The following NDE1 variants were observed in gnomAD, a reference collection of about 807,000 sequenced individuals.
NDE1 encodes nuclear distribution protein nudE homolog 1.
In NDE1, 28 loss-of-function variants were observed where a neutral mutation model predicts 43.4. The observed-to-expected ratio is 0.65, with a 90% CI of 0.48 to 0.89. The LOEUF (loss-of-function observed/expected upper bound fraction) is 0.89, where lower values mean the gene tolerates loss of function less well. Ranked by LOEUF, NDE1 falls within the 40% of genes least tolerant of loss-of-function variation. The pLI is 0.00. For synonymous variants in NDE1, 184 were observed against 172.0 expected, an observed-to-expected ratio of 1.07 and a Z score of -0.55; for missense variants, 441 against 434.1, an observed-to-expected ratio of 1.02 and a Z score of -0.14.
rs771545096 is a variant in NDE1, at chr16:15,691,191, A to G, written c.571A>G (p.Thr191Ala). ...GCAGCAGAAGCAGGAGAAACCCAGG[A>G]CCCCCATGCCCAGCTCAGTGGAAGC... ...AVQQKQEKPR[T>A]PMPSSVEAER... Residue 191 changes from threonine (T) to alanine (A), a missense_variant, in exon 6 of 9, where the codon ACC becomes GCC. Physicochemically the swap from Thr to Ala is moderately conservative, Grantham distance 58 (BLOSUM62 0). Coordinates refer to ENST00000396354, the MANE Select transcript of NDE1 (RefSeq NM_017668.3). 6.2e-7 allele frequency: 1 copy of G among 1,613,880 alleles called. No homozygotes were observed. Among genetic ancestry groups the G allele is most frequent in the Non-Finnish European group, 8.5e-7 (1 of 1,179,994 alleles).
At chr16:15,658,029 T>G (rs1235804409) in intron 1 of NDE1, among the ~76,000 whole-genome samples, 1 of 152,208 alleles carries the variant, frequency 6.6e-6, no homozygotes, top group Non-Finnish European at 1.5e-5. Flanking sequence ...CTCATAACCT[T>G]AAATCAGGTG....
chr16:15,699,474 G>C (rs2039150864), intron 8 of NDE1: 2 of 1,034,912 alleles, frequency 1.9e-6, no homozygotes, highest in Non-Finnish European at 2.4e-6. Flanking sequence ...ATGTTGCGTA[G>C]GCTGTAAAAC....
At chr16:15,649,620 A>T (rs970033425), upstream of NDE1, among the ~76,000 whole-genome samples, 2 of 152,162 alleles carry the variant, frequency 1.3e-5, no homozygotes, top group Non-Finnish European at 2.9e-5. Flanking sequence ...ACCGCGCCAG[A>T]CCCATAATGG....
chr16:15,658,691 C>G lies in NDE1; in HGVS notation c.-43-6045C>G, dbSNP rs191044686. Among the ~76,000 whole-genome samples, 16 of 152,292 alleles carry G rather than the reference C, an allele frequency of 1.1e-4. No homozygotes were observed. In the South Asian group the frequency reaches 1.2e-3, roughly 12 times the overall value. ...TATGTTTTTGAAATGGAGTCTTGCT[C>G]TGTTGCCCAGGCTGGAGTGCAGTGG... On this transcript the variant is annotated intron_variant, in intron 1 of 8. Coordinates refer to ENST00000396354, the MANE Select transcript of NDE1 (RefSeq NM_017668.3).
intron 3 of NDE1, among the ~76,000 whole-genome samples, chr16:15,673,149 C>T (rs575631939): frequency 4.6e-5 from 7 of 151,974 alleles, no homozygotes; most frequent in Non-Finnish European, 7.4e-5. Flanking sequence ...TTAGACCTTG[C>T]GCCTTTCTTG....
At chr16:15,706,239 C>T (rs933481367) in intron 8 of NDE1, among the ~76,000 whole-genome samples, 4 of 152,186 alleles carry the variant, frequency 2.6e-5, no homozygotes. Context: ...AGAGAACTCT[C>T]CATCCTTCTC....
chr16:15,716,057 C>T (rs2040114063), intron 8 of NDE1, among the ~76,000 whole-genome samples: 1 of 151,974 alleles, frequency 6.6e-6, no homozygotes, highest in African/African-American at 2.4e-5. Context: ...GCTGAGATCG[C>T]ACCACTGCAC....
intron 8 of NDE1, chr16:15,699,704 T>G: frequency 1.5e-6 from 2 of 1,345,472 alleles, no homozygotes; most frequent in Non-Finnish European, 2.0e-6. Flanking sequence ...TTATGTCAGC[T>G]TAATTTGGTT....
chr16:15,672,459 C>T (rs904779817), intron 3 of NDE1, among the ~76,000 whole-genome samples: 1 of 151,962 alleles, frequency 6.6e-6, no homozygotes, highest in African/African-American at 2.4e-5. Flanking sequence ...AAACAGGGTA[C>T]CTTGGAATAA....
intron 3 of NDE1, among the ~76,000 whole-genome samples, chr16:15,677,265 G>A (rs1323873107): frequency 6.6e-6 from 1 of 151,988 alleles, no homozygotes; most frequent in African/African-American, 2.4e-5. Context: ...CCCAGGGAGT[G>A]TGGTGGGAGG....
chr16:15,716,838 A>G (rs1214176654), intron 8 of NDE1, among the ~76,000 whole-genome samples: 1 of 152,158 alleles, frequency 6.6e-6, no homozygotes, highest in Non-Finnish European at 1.5e-5. Context: ...ATCTGTCAGC[A>G]TGCTATCCCT....
chr16:15,696,653 T>A, intron 7 of NDE1, 56 bp from the exon 8 acceptor site: 1 of 1,613,630 alleles, frequency 6.2e-7, no homozygotes, highest in Admixed American at 1.7e-5. Flanking sequence ...CAGGCTCTGG[T>A]AAGACAGAAT....
intron 1 of NDE1, chr16:15,652,093 T>G (rs2036533440): frequency 6.6e-6 from 1 of 151,932 alleles, no homozygotes; most frequent in Admixed American, 6.6e-5. Flanking sequence ...AGAGATGGGG[T>G]TTCACCATAT....
chr16:15,690,922 C>T (rs547735824), intron 5 of NDE1, among the ~76,000 whole-genome samples: 1 of 152,284 alleles, frequency 6.6e-6, no homozygotes, highest in Non-Finnish European at 1.5e-5. Context: ...ATTCTCATGC[C>T]TCATCCTCCT....
chr16:15,669,808 T>A (rs1294427726), intron 3 of NDE1, among the ~76,000 whole-genome samples: 1 of 152,174 alleles, frequency 6.6e-6, no homozygotes, highest in Non-Finnish European at 1.5e-5. Context: ...CTGTGGGATG[T>A]TTGGCAGCAT....
At chr16:15,715,213 A>G in intron 8 of NDE1, 1 of 1,614,072 alleles carries the variant, frequency 6.2e-7, no homozygotes. Context: ...CACCTGCAGC[A>G]AGATTTCCTT....
chr16:15,708,183 C>G (rs1241669959), intron 8 of NDE1, among the ~76,000 whole-genome samples: 2 of 152,172 alleles, frequency 1.3e-5, no homozygotes, highest in Non-Finnish European at 2.9e-5. Flanking sequence ...TGTAGCTAGA[C>G]ATCACTCAAG....
intron 8 of NDE1, chr16:15,719,766 C>T: frequency 6.2e-7 from 1 of 1,612,602 alleles, no homozygotes; most frequent in Non-Finnish European, 8.5e-7. Context: ...CCCCCAAGTT[C>T]TGCTGCCCAG....
At chr16:15,709,617 G>GT (rs1466080321) in intron 8 of NDE1, among the ~76,000 whole-genome samples, 5 of 152,254 alleles carry the variant, frequency 3.3e-5, no homozygotes, top group East Asian at 1.9e-4. Flanking sequence ...ACCCGGCTCA[G>GT]TTTTTTAAAT....
Sources: allele counts gnomAD v4.1 joint callset (sites outside exome capture counted in the v4.1 genomes callset), GRCh38; gene constraint gnomAD v4.1.1; transcripts MANE v1.5; gene names NCBI Gene and HGNC (gene_info 2026-07-23, HGNC 2026-07-21).